PARD3: variants seen among roughly 807,000 people sequenced by gnomAD.
PARD3 encodes the protein partitioning defective 3 homolog.
A neutral mutation model predicts 155.4 loss-of-function variants in PARD3; 75 were observed. The observed-to-expected ratio is 0.48, with a 90% CI of 0.40 to 0.58. The LOEUF is 0.58. Among genes scored for constraint, PARD3 ranks in the 20% least tolerant of loss-of-function variants. PARD3 has a pLI of 0.00. For synonymous variants in PARD3, 576 were observed against 610.5 expected (o/e 0.94, Z 0.83); for missense variants, 1,642 against 1,721.7 (o/e 0.95, Z 0.82).
intron 3 of PARD3, among the ~76,000 whole-genome samples, chr10:34,470,891 A>G (rs1347109775): frequency 6.6e-6 from 1 of 152,168 alleles, no homozygotes; most frequent in East Asian, 1.9e-4. Context: ...TTTCCAATAC[A>G]AAAAAAGATA....
chr10:34,730,222 C>G (rs930379160), intron 1 of PARD3, among the ~76,000 whole-genome samples: 59 of 152,094 alleles, frequency 3.9e-4, no homozygotes, highest in Admixed American at 3.0e-3. Flanking sequence ...AAATTAAATC[C>G]AACAATATAT....
intron 19 of PARD3, among the ~76,000 whole-genome samples, chr10:34,330,058 A>G (rs1232290398): frequency 6.6e-6 from 1 of 152,188 alleles, no homozygotes; most frequent in African/African-American, 2.4e-5. Flanking sequence ...TACAATCTAC[A>G]CAAATTATCT....
At chr10:34,661,732 CA>C (rs1441592179) in intron 2 of PARD3, among the ~76,000 whole-genome samples, 3 of 152,174 alleles carry the variant, frequency 2.0e-5, no homozygotes, top group Non-Finnish European at 2.9e-5. Flanking sequence ...ATTAAAGAAT[CA>C]CAAAGATCAG....
Position 34,312,585 on chromosome 10 carries a change from A to G in PARD3, c.3065+4522T>C, listed in dbSNP as rs573504468. Among the ~76,000 whole-genome samples, 24 of 152,244 alleles carry G rather than the reference A, an allele frequency of 1.6e-4. 1 individual carries two copies. Among genetic ancestry groups the G allele is most frequent in the Admixed American group, 6.5e-5 (1 of 15,276 alleles). On this transcript the variant is annotated intron_variant, in intron 20 of 24. Coordinates refer to ENST00000374788, the MANE Select transcript of PARD3 (RefSeq NM_001184785.2). ...AGAGCAATAAATCTGATTTCAGCCA[A>G]ACAAGGTTACAAACTAAATTATCTA...
rs1946355253 is a variant in PARD3, at chr10:34,110,960, G to A, written c.*209C>T. 2.0e-6 allele frequency: 1 copy of A among 490,044 alleles called. No homozygotes were observed. The highest frequency in any genetic ancestry group is 3.1e-5 in the East Asian group (1 of 31,990). 30.4% of individuals were successfully genotyped at this position (490,044 alleles called of 1,614,324 possible). ...TCAAACAGATGATTGTCACAGGGTG[G>A]GAAATCCTTCCATGAAACAGACACT... On this transcript the variant is annotated 3_prime_UTR_variant, in exon 25 of 25. Transcript: ENST00000374788.
chr10:34,462,376 A>G (rs1049539567), intron 4 of PARD3, among the ~76,000 whole-genome samples: 5 of 152,348 alleles, frequency 3.3e-5, no homozygotes, highest in South Asian at 2.1e-4. Context: ...CCAACTGGTC[A>G]AGTGTATTTT....
In PARD3 at chr10:34,815,096, T is replaced by G; in HGVS notation, c.-101A>C. The G allele has an allele frequency of 2.7e-6, 2 of 735,198 alleles. No homozygotes were observed. Among genetic ancestry groups the G allele is most frequent in the Non-Finnish European group, 3.4e-6 (2 of 584,122 alleles). 45.5% of individuals were successfully genotyped at this position (735,198 alleles called of 1,614,324 possible). ...TGGGCGCGGAGGAGCCGCTGGGGAC[T>G]CGGGCGCGCGGGCGGCTAGGGGCGC... On this transcript the variant is annotated 5_prime_UTR_variant, in exon 1 of 25. Transcript: ENST00000374788.
chr10:34,191,740 A>C (rs1236876661), intron 22 of PARD3, among the ~76,000 whole-genome samples: 1 of 152,124 alleles, frequency 6.6e-6, no homozygotes, highest in East Asian at 1.9e-4. Context: ...GGCCCCGCTG[A>C]AGAGACAGAG....
intron 19 of PARD3, among the ~76,000 whole-genome samples, chr10:34,320,855 C>T (rs1958327609): frequency 1.3e-5 from 2 of 152,118 alleles, no homozygotes; most frequent in African/African-American, 4.8e-5. Flanking sequence ...TTAGATAATA[C>T]ATTATCACAG....
At chr10:34,515,371 A>C (rs1187911692) in intron 3 of PARD3, among the ~76,000 whole-genome samples, 1 of 152,260 alleles carries the variant, frequency 6.6e-6, no homozygotes, top group Non-Finnish European at 1.5e-5. Context: ...AAAAATATTC[A>C]ACTAAAACAA....
chr10:34,191,725 T>C (rs1047754404), intron 22 of PARD3, among the ~76,000 whole-genome samples: 28 of 152,022 alleles, frequency 1.8e-4, no homozygotes, highest in Non-Finnish European at 3.5e-4. Context: ...TTCAGAAGGA[T>C]TCCTGGCCCC....
chr10:34,199,204 C>T (rs1210435666), intron 22 of PARD3, among the ~76,000 whole-genome samples: 1 of 152,126 alleles, frequency 6.6e-6, no homozygotes, highest in African/African-American at 2.4e-5. Flanking sequence ...CCTCATTATC[C>T]TATGCTCATA....
At chr10:34,150,864 A>C (rs558401627) in intron 22 of PARD3, among the ~76,000 whole-genome samples, 206 of 152,306 alleles carry the variant, frequency 1.4e-3, no homozygotes, top group African/African-American at 4.7e-3. Flanking sequence ...TATCCTCTCC[A>C]AGTCCATCTC....
intron 22 of PARD3, among the ~76,000 whole-genome samples, chr10:34,171,915 A>G (rs1949810861): frequency 7.6e-6 from 1 of 131,526 alleles, no homozygotes; most frequent in South Asian, 2.7e-4. Flanking sequence ...GAGCCACGGC[A>G]TTCCAGCCTG....
At chr10:34,420,077 G>A (rs190541573) in intron 5 of PARD3, among the ~76,000 whole-genome samples, 41 of 152,278 alleles carry the variant, frequency 2.7e-4, no homozygotes, top group Non-Finnish European at 5.0e-4. Context: ...TCAGCCTCCA[G>A]AGTAGCTAGT....
intron 11 of PARD3, among the ~76,000 whole-genome samples, chr10:34,372,977 GGAAAT>G (rs1455109707): frequency 6.6e-6 from 1 of 151,806 alleles, no homozygotes; most frequent in African/African-American, 2.4e-5. Context: ...ATGTTGCACA[GGAAAT>G]AAACATGATT....
rs1046173470 is a variant in PARD3 at position 34,228,458 on chromosome 10, G to A, written c.3419+41199C>T. Among the ~76,000 whole-genome samples the A allele has an allele frequency of 9.9e-5, 15 of 151,982 alleles. 1 individual carries two copies. Among genetic ancestry groups the A allele is most frequent in the African/African-American group, 3.6e-4 (15 of 41,288 alleles). On this transcript the variant is annotated intron_variant, in intron 22 of 24. Coordinates refer to ENST00000374788, the MANE Select transcript of PARD3 (RefSeq NM_001184785.2). ...CATGCAAAAAATTATACATATTAACGGTTCCATTTATATGAAATGTCTAGA... is the reference window on the plus strand; with the variant it reads ...CATGCAAAAAATTATACATATTAACAGTTCCATTTATATGAAATGTCTAGA...
chr10:34,772,702 G>A (rs1271998689), intron 1 of PARD3, among the ~76,000 whole-genome samples: 1 of 149,572 alleles, frequency 6.7e-6, no homozygotes, highest in South Asian at 2.1e-4. Context: ...GCTGAGGCAG[G>A]AGAATTGCTT....
At chr10:34,488,272 C>T (rs1283375642) in intron 3 of PARD3, among the ~76,000 whole-genome samples, 1 of 151,964 alleles carries the variant, frequency 6.6e-6, no homozygotes, top group Non-Finnish European at 1.5e-5. Flanking sequence ...CAGAGCTGGG[C>T]TTTTCATCTT....
Sources: allele counts gnomAD v4.1 joint callset (sites outside exome capture counted in the v4.1 genomes callset), GRCh38; gene constraint gnomAD v4.1.1; transcripts MANE v1.5; gene names NCBI Gene and HGNC (gene_info 2026-07-23, HGNC 2026-07-21).